Variants in DACH1 observed in about 807,000 individuals in gnomAD.
DACH1 encodes dachshund family transcription factor 1.
DACH1 carries 12 observed loss-of-function variants against 54.2 expected under a neutral mutation model. The ratio of observed to expected loss-of-function variants is 0.22; its 90% CI spans 0.14 to 0.36. DACH1 has a LOEUF of 0.36. DACH1 is among the 10% of genes least tolerant of loss of function. The pLI is 1.00. For missense variants in DACH1, 805 were observed against 929.8 expected (o/e 0.87, Z 1.75); for synonymous variants, 386 against 366.2 (o/e 1.05, Z -0.62).
intron 1 of DACH1, among the ~76,000 whole-genome samples, chr13:71,742,915 G>A (rs574083780): frequency 6.6e-6 from 1 of 152,124 alleles, no homozygotes; most frequent in African/African-American, 2.4e-5. Flanking sequence ...CTATTTCTCT[G>A]TAGAAATTTA....
At chr13:71,626,145 T>C (rs1876629692) in intron 3 of DACH1, among the ~76,000 whole-genome samples, 1 of 151,976 alleles carries the variant, frequency 6.6e-6, no homozygotes, top group South Asian at 2.1e-4. Flanking sequence ...GGGAATAATA[T>C]TTAATGTATT....
chr13:71,858,693 C>T (rs1874160918), intron 1 of DACH1, among the ~76,000 whole-genome samples: 1 of 151,766 alleles, frequency 6.6e-6, no homozygotes, highest in South Asian at 2.1e-4. Context: ...CACCATTCTA[C>T]TCTCTGCATC....
chr13:71,570,376 A>G (rs1386277399), intron 4 of DACH1, among the ~76,000 whole-genome samples: 2 of 139,484 alleles, frequency 1.4e-5, no homozygotes, highest in African/African-American at 2.8e-5. Context: ...CTCACAAAAT[A>G]ATAAGGGCAC....
At chr13:71,815,391 T>C (rs776696566) in intron 1 of DACH1, among the ~76,000 whole-genome samples, 1 of 152,144 alleles carries the variant, frequency 6.6e-6, no homozygotes, top group Non-Finnish European at 1.5e-5. Flanking sequence ...TTATTACCAT[T>C]GCCTAAAATA....
intron 6 of DACH1, among the ~76,000 whole-genome samples, chr13:71,507,170 A>G (rs1294540311): frequency 6.6e-6 from 1 of 152,196 alleles, no homozygotes; most frequent in African/African-American, 2.4e-5. Context: ...TAAGATTCTT[A>G]TACATCCCCG....
intron 1 of DACH1, among the ~76,000 whole-genome samples, chr13:71,835,884 C>A (rs566116298): frequency 3.3e-5 from 5 of 152,140 alleles, no homozygotes; most frequent in African/African-American, 9.6e-5. Flanking sequence ...CTTCTACTAT[C>A]TCATAAAATC....
chr13:71,662,981 T>A (rs1445490064), intron 2 of DACH1, among the ~76,000 whole-genome samples: 1 of 152,004 alleles, frequency 6.6e-6, no homozygotes, highest in African/African-American at 2.4e-5. Context: ...TGTTGAATAT[T>A]TATGAAAGGA....
chr13:71,851,894 T>C (rs1873692215), intron 1 of DACH1, among the ~76,000 whole-genome samples: 1 of 152,192 alleles, frequency 6.6e-6, no homozygotes, highest in Non-Finnish European at 1.5e-5. Context: ...TCTTGTGTAT[T>C]TTCTTCAAAA....
At position 71,735,343 on chromosome 13, in the gene DACH1, CGT is replaced by C. The variant is rs1884011502; in HGVS notation, c.849-53435_849-53434del. On this transcript the variant is annotated intron_variant, in intron 1 of 10. Coordinates refer to ENST00000613252, the MANE Select transcript of DACH1 (RefSeq NM_080759.6). ...GGGATATACACGTATACGGGATATA[CGT>C]GTATATGGGATATACACGTATACGG... Among the ~76,000 whole-genome samples the C allele has an allele frequency of 6.0e-5, 2 of 33,494 alleles. 1 individual carries two copies. Among genetic ancestry groups the C allele is most frequent in the Non-Finnish European group, 3.1e-4 (2 of 6,390 alleles). The allele number at this position is 33,494 out of a possible 152,430, so 22.0% of individuals were successfully genotyped here. A position where few individuals can be genotyped will look rare whatever the true frequency, so the allele number is the denominator to read the frequency against.
chr13:71,801,981 T>G (rs927397325), intron 1 of DACH1, among the ~76,000 whole-genome samples: 9 of 152,114 alleles, frequency 5.9e-5, no homozygotes, highest in Non-Finnish European at 2.9e-5. Context: ...TGTCCATCTG[T>G]CAGAGAGAAA....
intron 1 of DACH1, among the ~76,000 whole-genome samples, chr13:71,695,707 T>C (rs1401556568): frequency 1.3e-5 from 2 of 152,342 alleles, no homozygotes; most frequent in East Asian, 1.9e-4. Flanking sequence ...ATGTTTCTTA[T>C]GCTACTCCCA....
At chr13:71,750,771 A>G (rs370437030) in intron 1 of DACH1, among the ~76,000 whole-genome samples, 1 of 152,216 alleles carries the variant, frequency 6.6e-6, no homozygotes, top group South Asian at 2.1e-4. Flanking sequence ...TAATGATTCA[A>G]TCATTACAAT....
At chr13:71,658,336 G>A (rs756865576) in intron 2 of DACH1, among the ~76,000 whole-genome samples, 1 of 152,130 alleles carries the variant, frequency 6.6e-6, no homozygotes, top group Non-Finnish European at 1.5e-5. Flanking sequence ...GATCACCTAT[G>A]TTCAGGAGTT....
At chr13:71,864,990 A>G (rs1028233910) in intron 1 of DACH1, among the ~76,000 whole-genome samples, 1 of 152,170 alleles carries the variant, frequency 6.6e-6, no homozygotes, top group Non-Finnish European at 1.5e-5. Flanking sequence ...TTGGAGAGAA[A>G]GAGACAGAGA....
chr13:71,625,699 CAT>C (rs1273509348), intron 3 of DACH1, among the ~76,000 whole-genome samples: 2 of 152,066 alleles, frequency 1.3e-5, no homozygotes, highest in South Asian at 2.1e-4. Context: ...GAAAAACAAT[CAT>C]ATGTTTTGAG....
rs748220971 is a variant in DACH1 at position 71,866,647 on chromosome 13, A to T, written c.123T>A (p.Ala41=). The T allele has an allele frequency of 7.0e-7, 1 of 1,426,270 alleles. No individual in the cohort carries two copies. Among genetic ancestry groups the T allele is most frequent in the Admixed American group, 2.3e-5 (1 of 42,742 alleles). The allele number at this position is 1,426,270 out of a possible 1,614,324, so 88.4% of individuals were successfully genotyped here. A position where few individuals can be genotyped will look rare whatever the true frequency, so the allele number is the denominator to read the frequency against. Residue 41 remains alanine (A), a synonymous_variant, in exon 1 of 11, where the codon GCT becomes GCA. Coordinates refer to ENST00000613252, the MANE Select transcript of DACH1 (RefSeq NM_080759.6). ...TSTSSATSSP[A]PSIGPPASSG... ...AGGACGCCGGGGGTCCGATGGAAGG[A>T]GCCGGAGACGAAGTCGCCGAAGAGG...
At chr13:71,568,094 C>T (rs759871100) in intron 4 of DACH1, among the ~76,000 whole-genome samples, 2 of 151,834 alleles carry the variant, frequency 1.3e-5, no homozygotes, top group Non-Finnish European at 2.9e-5. Flanking sequence ...GGAAATGATA[C>T]AAAGGTGGCA....
chr13:71,866,422 G>A lies in DACH1; in HGVS notation c.348C>T (p.Gly116=). Residue 116 remains glycine, a synonymous_variant, in exon 1 of 11, where the codon GGC becomes GGT. Coordinates refer to ENST00000613252, the MANE Select transcript of DACH1 (RefSeq NM_080759.6). The part of the protein sequence containing the change: ...PNLAAASNGS[G]GGGGGISAGG... ...CAGCGCTGATGCCGCCGCCGCCGCC[G>A]CCGCTGCCGTTGCTCGCGGCCGCCA... The A allele has an allele frequency of 2.1e-6, 3 of 1,419,402 alleles. No homozygotes were observed. The highest frequency in any genetic ancestry group is 1.9e-6 in the Non-Finnish European group (2 of 1,080,544). The allele number at this position is 1,419,402 out of a possible 1,614,324, so 87.9% of individuals were successfully genotyped here. A position where few individuals can be genotyped will look rare whatever the true frequency, so the allele number is the denominator to read the frequency against.
At chr13:71,585,099 A>G (rs567013967) in intron 3 of DACH1, among the ~76,000 whole-genome samples, 1 of 152,222 alleles carries the variant, frequency 6.6e-6, no homozygotes, top group South Asian at 2.1e-4. Flanking sequence ...CCGAACATCT[A>G]TTTTGTGCCA....
Sources: gnomAD v4.1 joint callset for allele counts (sites outside exome capture counted in the v4.1 genomes callset) on GRCh38, gnomAD v4.1.1 for gene constraint, MANE v1.5 for transcripts, NCBI Gene and HGNC (gene_info 2026-07-23, HGNC 2026-07-21) for gene names.